The following EPHA6 variants were observed in gnomAD, a reference collection of about 807,000 sequenced individuals.
The protein encoded by EPHA6 is EPH receptor A6.
A neutral mutation model predicts 112.0 loss-of-function variants in EPHA6; 50 were observed. The observed-to-expected ratio is 0.45, with a 90% CI of 0.36 to 0.56. The LOEUF (loss-of-function observed/expected upper bound fraction) is 0.56, where lower values mean the gene tolerates loss of function less well. EPHA6 is among the 20% of genes least tolerant of loss of function. EPHA6 has a pLI of 0.00. For missense variants in EPHA6, 1,280 were observed against 1,417.4 expected (o/e 0.90, Z 1.56); for synonymous variants, 529 against 490.7 (o/e 1.08, Z -1.03).
At chr3:96,960,918 C>T (rs541086528) in intron 2 of EPHA6, among the ~76,000 whole-genome samples, 32 of 152,272 alleles carry the variant, frequency 2.1e-4, no homozygotes, top group African/African-American at 7.7e-4. Context: ...TCTCCCTTTC[C>T]ACTAGTCTTG....
At chr3:97,450,963 G>A (rs553948791) in intron 7 of EPHA6, among the ~76,000 whole-genome samples, 90 of 152,142 alleles carry the variant, frequency 5.9e-4, no homozygotes, top group African/African-American at 2.1e-3. Context: ...GGTTTCTGGA[G>A]GGTGAGAGGC....
At chr3:97,561,210 C>A (rs1161833945) in intron 11 of EPHA6, among the ~76,000 whole-genome samples, 3 of 151,980 alleles carry the variant, frequency 2.0e-5, no homozygotes, top group Non-Finnish European at 4.4e-5. Context: ...AGTCGCATAT[C>A]TCTGGCGTTT....
chr3:97,028,561 T>A (rs1449088229), intron 3 of EPHA6, among the ~76,000 whole-genome samples: 2 of 152,098 alleles, frequency 1.3e-5, no homozygotes, highest in African/African-American at 4.8e-5. Flanking sequence ...AGGAAAAAAA[T>A]TGCAAAATTG....
chr3:97,033,113 A>G (rs2044939325), intron 3 of EPHA6, among the ~76,000 whole-genome samples: 2 of 152,098 alleles, frequency 1.3e-5, no homozygotes, highest in South Asian at 2.1e-4. Flanking sequence ...AATACAGGGA[A>G]TCCTGAGCAA....
At chr3:97,393,533 G>A (rs2109073193) in intron 5 of EPHA6, among the ~76,000 whole-genome samples, 1 of 151,984 alleles carries the variant, frequency 6.6e-6, no homozygotes, top group East Asian at 1.9e-4. Context: ...TGACAGTGCT[G>A]TGGCATTTCA....
chr3:97,181,245 G>A (rs1216232556), intron 3 of EPHA6, among the ~76,000 whole-genome samples: 2 of 152,096 alleles, frequency 1.3e-5, no homozygotes, highest in South Asian at 2.1e-4. Flanking sequence ...GCACAGGGTG[G>A]AGAAGGGTGG....
intron 2 of EPHA6, among the ~76,000 whole-genome samples, chr3:96,986,921 T>C (rs1251793888): frequency 6.6e-6 from 1 of 152,196 alleles, no homozygotes; most frequent in Non-Finnish European, 1.5e-5. Context: ...AAGTGCGTTT[T>C]TTATATATTT....
chr3:97,625,388 T>C (rs1476689531), intron 13 of EPHA6, among the ~76,000 whole-genome samples: 1 of 151,816 alleles, frequency 6.6e-6, no homozygotes, highest in Non-Finnish European at 1.5e-5. Flanking sequence ...CTTTATCTGT[T>C]GTAGTCAGAG....
intron 3 of EPHA6, among the ~76,000 whole-genome samples, chr3:97,167,631 A>C (rs2076573896): frequency 6.6e-6 from 1 of 152,140 alleles, no homozygotes; most frequent in Admixed American, 6.6e-5. Flanking sequence ...TCTGTGCTTT[A>C]AGATATAAGG....
At chr3:96,830,697 A>G (rs2034010082) in intron 1 of EPHA6, among the ~76,000 whole-genome samples, 1 of 152,038 alleles carries the variant, frequency 6.6e-6, no homozygotes. Flanking sequence ...ATGTAAGCAC[A>G]TTGAATCTAT....
intron 11 of EPHA6, among the ~76,000 whole-genome samples, chr3:97,580,118 A>C (rs1168170362): frequency 6.6e-6 from 1 of 152,196 alleles, no homozygotes; most frequent in Non-Finnish European, 1.5e-5. Context: ...GTGGTGCCAT[A>C]ATTTGTTAAA....
At chr3:96,979,768 T>A (rs576288029) in intron 2 of EPHA6, among the ~76,000 whole-genome samples, 108 of 152,314 alleles carry the variant, frequency 7.1e-4, no homozygotes, top group African/African-American at 2.4e-3. Flanking sequence ...TGGTATCTCA[T>A]TGTGGTTTTG....
At chr3:97,015,862 A>G (rs1276689230) in intron 3 of EPHA6, among the ~76,000 whole-genome samples, 1 of 152,190 alleles carries the variant, frequency 6.6e-6, no homozygotes, top group Non-Finnish European at 1.5e-5. Context: ...AACTTCACTA[A>G]TAGCTGACGA....
chr3:97,126,368 G>C (rs945296447), intron 3 of EPHA6, among the ~76,000 whole-genome samples: 24 of 152,138 alleles, frequency 1.6e-4, no homozygotes, highest in Admixed American at 2.0e-4. Flanking sequence ...TTCTCCCAGT[G>C]CAGAAGAAAA....
intron 6 of EPHA6, among the ~76,000 whole-genome samples, chr3:97,445,170 G>T (rs1350053736): frequency 6.6e-6 from 1 of 151,978 alleles, no homozygotes; most frequent in Non-Finnish European, 1.5e-5. Context: ...AAAGTTCATT[G>T]CTTCTCAATG....
intron 3 of EPHA6, among the ~76,000 whole-genome samples, chr3:97,029,860 T>C (rs2044764935): frequency 6.6e-6 from 1 of 152,018 alleles, no homozygotes; most frequent in African/African-American, 2.4e-5. Context: ...CCCAAAAAAT[T>C]AACAATACTG....
chr3:97,226,244 G>A lies in EPHA6; in HGVS notation c.1115-20G>A, dbSNP rs2078352543. ...TCCTAGCAATAATAACTAAAAAAGTGTTTTTTTCTCTTTTTACAGCTTGCA... is the reference window on the plus strand; with the variant it reads ...TCCTAGCAATAATAACTAAAAAAGTATTTTTTTCTCTTTTTACAGCTTGCA... On this transcript the variant is annotated intron_variant, in intron 3 of 17. Coordinates refer to ENST00000389672, the MANE Select transcript of EPHA6 (RefSeq NM_001080448.3). The A allele has an allele frequency of 2.5e-6, 4 of 1,578,700 alleles. No homozygotes were observed. Among genetic ancestry groups the A allele is most frequent in the Non-Finnish European group, 2.6e-6 (3 of 1,165,820 alleles).
At chr3:97,566,341 A>G (rs1284863128) in intron 11 of EPHA6, among the ~76,000 whole-genome samples, 2 of 152,170 alleles carry the variant, frequency 1.3e-5, no homozygotes, top group African/African-American at 4.8e-5. Flanking sequence ...TGGGAATCAC[A>G]TTTTGGCATG....
intron 5 of EPHA6, among the ~76,000 whole-genome samples, chr3:97,396,476 A>T (rs2086700592): frequency 1.3e-5 from 2 of 151,474 alleles, no homozygotes; most frequent in African/African-American, 2.4e-5. Context: ...TAGGAAAATT[A>T]AAAAATAACA....
Sources: gnomAD v4.1 joint callset for allele counts (sites outside exome capture counted in the v4.1 genomes callset) on GRCh38, gnomAD v4.1.1 for gene constraint, MANE v1.5 for transcripts, NCBI Gene and HGNC (gene_info 2026-07-23, HGNC 2026-07-21) for gene names.